The following BMERB1 variants were observed in gnomAD, a reference collection of about 807,000 sequenced individuals.
BMERB1 encodes the protein bMERB domain-containing protein 1.
A neutral mutation model predicts 23.6 loss-of-function variants in BMERB1; 12 were observed. That is an observed-to-expected ratio of 0.51 (90% CI 0.33 to 0.82). The LOEUF (loss-of-function observed/expected upper bound fraction) is 0.82, where lower values mean the gene tolerates loss of function less well. Among genes scored for constraint, BMERB1 ranks in the 40% least tolerant of loss-of-function variants. The pLI, the probability that BMERB1 is intolerant of heterozygous loss-of-function variation, is 0.03. For missense variants in BMERB1, 247 were observed against 255.4 expected (o/e 0.97, Z 0.22); for synonymous variants, 122 against 96.6 (o/e 1.26, Z -1.54).
intron 3 of BMERB1, among the ~76,000 whole-genome samples, chr16:15,569,702 C>T (rs1370688503): frequency 6.6e-6 from 1 of 152,058 alleles, no homozygotes; most frequent in Non-Finnish European, 1.5e-5. Flanking sequence ...GGCAGGTCCA[C>T]GTGGATCATC....
chr16:15,567,183 T>C (rs912656200), intron 2 of BMERB1, among the ~76,000 whole-genome samples: 5 of 151,468 alleles, frequency 3.3e-5, no homozygotes, highest in African/African-American at 1.2e-4. Context: ...AGAGCGACAC[T>C]CTATCTCCAA....
intron 1 of BMERB1, among the ~76,000 whole-genome samples, chr16:15,436,029 G>T (rs1015049482): frequency 6.6e-6 from 1 of 151,870 alleles, no homozygotes; most frequent in African/African-American, 2.4e-5. Context: ...CAGGGCTGAG[G>T]GTCTCTGTTT....
At chr16:15,455,855 GA>G (rs2051083404) in intron 1 of BMERB1, among the ~76,000 whole-genome samples, 1 of 152,188 alleles carries the variant, frequency 6.6e-6, no homozygotes, top group Non-Finnish European at 1.5e-5. Flanking sequence ...CCTGTACTCG[GA>G]AGCCAGGAAA....
chr16:15,524,216 G>A (rs2051883675), intron 2 of BMERB1, among the ~76,000 whole-genome samples: 1 of 152,108 alleles, frequency 6.6e-6, no homozygotes, highest in Admixed American at 6.6e-5. Context: ...ACCATTGCCG[G>A]GGCCACTGTA....
At chr16:15,490,026 G>A (rs139765714) in intron 1 of BMERB1, among the ~76,000 whole-genome samples, 9 of 151,762 alleles carry the variant, frequency 5.9e-5, no homozygotes, top group African/African-American at 9.7e-5. Flanking sequence ...GCCCTCATCC[G>A]GCTAATTTTT....
intron 2 of BMERB1, among the ~76,000 whole-genome samples, chr16:15,515,942 T>A (rs2051746619): frequency 6.6e-6 from 1 of 152,166 alleles, no homozygotes; most frequent in African/African-American, 2.4e-5. Context: ...TTGCAGGTAG[T>A]CTTTCAAGAC....
chr16:15,568,110 C>G, intron 3 of BMERB1, 54 bp downstream of exon 3: 12 of 1,507,488 alleles, frequency 8.0e-6, no homozygotes, highest in Non-Finnish European at 1.0e-5. Flanking sequence ...GGCCCCCAGC[C>G]TGGCCCATCT....
rs151095889 is a variant in BMERB1, at chr16:15,584,951, A to G, written c.502+1713A>G. ...GGGTACTGGGATTGGCCAGGAATGTATAACATGCCCACTCCTGCAGCCACA... is the reference window on the plus strand; with the variant it reads ...GGGTACTGGGATTGGCCAGGAATGTGTAACATGCCCACTCCTGCAGCCACA... On this transcript the variant is annotated intron_variant, in intron 5 of 5. Transcript: ENST00000300006. Among the ~76,000 whole-genome samples the G allele has an allele frequency of 1.9e-3, 292 of 152,346 alleles. 1 individual carries two copies. The highest frequency in any genetic ancestry group is 6.6e-3 in the African/African-American group (276 of 41,574).
chr16:15,491,056 C>G (rs1236400355), intron 1 of BMERB1, among the ~76,000 whole-genome samples: 3 of 152,008 alleles, frequency 2.0e-5, no homozygotes, highest in African/African-American at 7.3e-5. Flanking sequence ...TGATATATTG[C>G]CCAGGCTGGT....
chr16:15,500,715 A>G (rs1404600743), intron 1 of BMERB1, among the ~76,000 whole-genome samples: 1 of 152,196 alleles, frequency 6.6e-6, no homozygotes, highest in African/African-American at 2.4e-5. Flanking sequence ...GCAGTGGCGC[A>G]GTCTCGGCTC....
chr16:15,583,296 C>A, intron 5 of BMERB1, 58 bp downstream of exon 5: 1 of 1,390,138 alleles, frequency 7.2e-7, no homozygotes, highest in Non-Finnish European at 1.0e-6. Flanking sequence ...ATATTTCAGG[C>A]CAGGCCCACA....
chr16:15,487,004 G>A (rs2051374503), intron 1 of BMERB1, among the ~76,000 whole-genome samples: 1 of 152,152 alleles, frequency 6.6e-6, no homozygotes, highest in Non-Finnish European at 1.5e-5. Flanking sequence ...TATTATTACT[G>A]TAAAGTTCAT....
chr16:15,452,172 T>A (rs1249816510), intron 1 of BMERB1, among the ~76,000 whole-genome samples: 1 of 151,364 alleles, frequency 6.6e-6, no homozygotes, highest in Non-Finnish European at 1.5e-5. Context: ...TCCTAGCTAC[T>A]TGAGAGGCTG....
At chr16:15,554,447 C>A (rs985622084) in intron 2 of BMERB1, among the ~76,000 whole-genome samples, 1 of 152,124 alleles carries the variant, frequency 6.6e-6, no homozygotes, top group African/African-American at 2.4e-5. Flanking sequence ...AATTATACTT[C>A]TGTATTGTTT....
chr16:15,473,352 G>A (rs1270631293), intron 1 of BMERB1, among the ~76,000 whole-genome samples: 1 of 150,196 alleles, frequency 6.7e-6, no homozygotes, highest in African/African-American at 2.5e-5. Context: ...GTGCAGTGGT[G>A]CCACCTCAGC....
At chr16:15,528,633 A>T (rs764705326) in intron 2 of BMERB1, among the ~76,000 whole-genome samples, 1 of 146,242 alleles carries the variant, frequency 6.8e-6, no homozygotes, top group Non-Finnish European at 1.5e-5. Context: ...CGATACACAC[A>T]CCAGGTCCCC....
chr16:15,564,019 TC>T (rs1253647575), intron 2 of BMERB1, among the ~76,000 whole-genome samples: 1 of 152,076 alleles, frequency 6.6e-6, no homozygotes, highest in Non-Finnish European at 1.5e-5. Context: ...GCCTGGCACC[TC>T]CCCCTCTCTC....
At chr16:15,502,610 G>A (rs2051542144) in intron 1 of BMERB1, among the ~76,000 whole-genome samples, 1 of 152,170 alleles carries the variant, frequency 6.6e-6, no homozygotes, top group Non-Finnish European at 1.5e-5. Flanking sequence ...TTTCCTACAT[G>A]AATGATTGAT....
chr16:15,484,406 T>C (rs255002), intron 1 of BMERB1, among the ~76,000 whole-genome samples: 44,436 of 151,200 alleles, frequency 0.29, 7,427 homozygotes, highest in East Asian at 0.56. Flanking sequence ...TCCCCCAACC[T>C]CTTTTTTTTT....
Sources: allele counts gnomAD v4.1 joint callset (sites outside exome capture counted in the v4.1 genomes callset), GRCh38; gene constraint gnomAD v4.1.1; transcripts MANE v1.5; gene names NCBI Gene and HGNC (gene_info 2026-07-23, HGNC 2026-07-21).